NDST4: variants seen among roughly 807,000 people sequenced by gnomAD.
NDST4 encodes N-heparan sulfate sulfotransferase 4.
In NDST4, 63 loss-of-function variants were observed where a neutral mutation model predicts 100.8. The ratio of observed to expected loss-of-function variants is 0.62; its 90% CI spans 0.51 to 0.77. NDST4 has a LOEUF of 0.77. Ranked by LOEUF, NDST4 falls within the 30% of genes least tolerant of loss-of-function variation. The probability of loss-of-function intolerance (pLI) is 0.00; values close to 1 mark genes in which losing one functional copy is unlikely to be tolerated. For missense variants in NDST4, 943 were observed against 1,018.4 expected (o/e 0.93, Z 1.01); for synonymous variants, 377 against 361.8 (o/e 1.04, Z -0.48).
chr4:115,092,043 T>C (rs920264477), intron 1 of NDST4, among the ~76,000 whole-genome samples: 8 of 152,208 alleles, frequency 5.3e-5, no homozygotes, highest in African/African-American at 1.9e-4. Flanking sequence ...AACATTACTC[T>C]ACTGAAGTTA....
intron 2 of NDST4, among the ~76,000 whole-genome samples, chr4:115,030,435 T>C (rs1248492790): frequency 6.6e-6 from 1 of 152,140 alleles, no homozygotes; most frequent in Non-Finnish European, 1.5e-5. Context: ...AGTTTGAACT[T>C]AATTCTCACC....
In NDST4 at chr4:115,090,016, A is replaced by G. The variant is rs192635438; in HGVS notation, c.-246-12734T>C. ...AAAATTTGATCTACCATCTTCACCAACTTTAAGTGTAACATGCAGTATTAT... is the reference window on the plus strand; with the variant it reads ...AAAATTTGATCTACCATCTTCACCAGCTTTAAGTGTAACATGCAGTATTAT... On this transcript the variant is annotated intron_variant, in intron 1 of 13. Transcript: ENST00000264363. Among the ~76,000 whole-genome samples, 15 of 151,812 alleles carry G rather than the reference A, an allele frequency of 9.9e-5. No homozygotes were observed. In the East Asian group the frequency reaches 2.9e-3, roughly 29 times the overall value.
At chr4:114,902,217 A>T (rs1444764513) in intron 6 of NDST4, among the ~76,000 whole-genome samples, 1 of 151,946 alleles carries the variant, frequency 6.6e-6, no homozygotes, top group Admixed American at 6.6e-5. Context: ...TATGACCTGC[A>T]TTATTTTCCT....
intron 2 of NDST4, among the ~76,000 whole-genome samples, chr4:115,060,299 A>G (rs1368062943): frequency 6.6e-6 from 1 of 151,966 alleles, no homozygotes. Flanking sequence ...TCAATTTGGC[A>G]AAAGTTTCTA....
chr4:115,047,440 C>G (rs554716526), intron 2 of NDST4, among the ~76,000 whole-genome samples: 4 of 151,996 alleles, frequency 2.6e-5, no homozygotes, highest in Non-Finnish European at 5.9e-5. Context: ...TGAAAATATT[C>G]TAGCATTTAT....
At chr4:115,086,138 T>C (rs991592439) in intron 1 of NDST4, among the ~76,000 whole-genome samples, 1 of 152,268 alleles carries the variant, frequency 6.6e-6, no homozygotes, top group Middle Eastern at 3.4e-3. Flanking sequence ...TCTCTTATGA[T>C]TCTGAGTGGT....
chr4:114,949,576 A>T (rs1218839259), intron 4 of NDST4, among the ~76,000 whole-genome samples: 1 of 152,034 alleles, frequency 6.6e-6, no homozygotes, highest in East Asian at 1.9e-4. Flanking sequence ...TTTATGATGG[A>T]TACTTTAGTT....
chr4:115,025,972 C>T (rs530650190), intron 2 of NDST4, among the ~76,000 whole-genome samples: 54 of 152,048 alleles, frequency 3.6e-4, no homozygotes, highest in African/African-American at 1.2e-3. Flanking sequence ...CTTGTATAGC[C>T]GTTGAACTAG....
intron 2 of NDST4, among the ~76,000 whole-genome samples, chr4:115,036,632 A>G (rs1252665152): frequency 1.3e-5 from 2 of 151,896 alleles, no homozygotes; most frequent in African/African-American, 2.4e-5. Context: ...CAGATGTCAA[A>G]CCCAAATTCC....
rs142429643 is a variant in NDST4 at position 115,037,290 on chromosome 4, A to C, written c.978+38769T>G. ...AGACAAGTCAAGGTAAATGAGCAAA[A>C]TGTACCACTTGGGAAGAGAAAGAGA... On this transcript the variant is annotated intron_variant, in intron 2 of 13. Transcript: ENST00000264363. Among the ~76,000 whole-genome samples, 336 of 152,268 alleles carry C rather than the reference A, an allele frequency of 2.2e-3. 1 individual carries two copies. The highest frequency in any genetic ancestry group is 7.7e-3 in the African/African-American group (322 of 41,590).
At chr4:114,886,148 T>C (rs1006870580) in intron 6 of NDST4, among the ~76,000 whole-genome samples, 34 of 152,086 alleles carry the variant, frequency 2.2e-4, no homozygotes, top group African/African-American at 8.2e-4. Context: ...TTTTAAATGG[T>C]GAACAATATA....
chr4:115,015,315 C>G (rs1309639712), intron 2 of NDST4, among the ~76,000 whole-genome samples: 1 of 152,048 alleles, frequency 6.6e-6, no homozygotes, highest in Non-Finnish European at 1.5e-5. Flanking sequence ...GCAGGCAAGA[C>G]CTGGTAAAAT....
At chr4:115,059,391 T>C (rs944272155) in intron 2 of NDST4, among the ~76,000 whole-genome samples, 9 of 152,088 alleles carry the variant, frequency 5.9e-5, no homozygotes, top group Non-Finnish European at 1.2e-4. Flanking sequence ...ATTACCTTCA[T>C]ATGGAAAAGG....
At chr4:115,050,003 A>G (rs80235631) in intron 2 of NDST4, among the ~76,000 whole-genome samples, 2,801 of 152,236 alleles carry the variant, frequency 0.018, 94 homozygotes, top group African/African-American at 0.064. Flanking sequence ...AGGAAGAACC[A>G]AAACCAGACC....
intron 2 of NDST4, among the ~76,000 whole-genome samples, chr4:115,060,844 T>C (rs758457543): frequency 2.0e-5 from 3 of 152,010 alleles, no homozygotes; most frequent in South Asian, 4.1e-4. Context: ...TTGTTTAAAT[T>C]ACACAAATGA....
At chr4:115,026,394 G>A (rs559131037) in intron 2 of NDST4, among the ~76,000 whole-genome samples, 1 of 143,914 alleles carries the variant, frequency 6.9e-6, no homozygotes, top group Admixed American at 7.2e-5. Context: ...ATGCATTCAA[G>A]CAAACATTTT....
chr4:114,915,693 T>A (rs1725152963), intron 6 of NDST4, among the ~76,000 whole-genome samples: 1 of 152,184 alleles, frequency 6.6e-6, no homozygotes, highest in Non-Finnish European at 1.5e-5. Flanking sequence ...TTGAAATCTA[T>A]CACTTTTATT....
chr4:114,919,590 A>G (rs1231429104), intron 6 of NDST4, among the ~76,000 whole-genome samples: 1 of 152,176 alleles, frequency 6.6e-6, no homozygotes, highest in Non-Finnish European at 1.5e-5. Flanking sequence ...TGAGTAAGTG[A>G]AGGTCAGAGT....
chr4:115,109,485 T>C (rs1447786520), intron 1 of NDST4, among the ~76,000 whole-genome samples: 2 of 151,998 alleles, frequency 1.3e-5, no homozygotes, highest in African/African-American at 2.4e-5. Context: ...ACTCTTCAAA[T>C]ACTTAAAGTA....
Sources: gnomAD v4.1 joint callset for allele counts (sites outside exome capture counted in the v4.1 genomes callset) on GRCh38, gnomAD v4.1.1 for gene constraint, MANE v1.5 for transcripts, NCBI Gene and HGNC (gene_info 2026-07-23, HGNC 2026-07-21) for gene names.